Variants in INTS4 observed in about 807,000 individuals in gnomAD.
INTS4 encodes the protein integrator complex subunit 4, also known as MSTP093.
Under a neutral mutation model 119.5 loss-of-function variants are expected in INTS4, and 70 were observed. That is an observed-to-expected ratio of 0.59 (90% confidence interval 0.48 to 0.71). The LOEUF is 0.71. Among genes scored for constraint, INTS4 ranks in the 30% least tolerant of loss-of-function variants. INTS4 has a pLI of 0.00. For synonymous variants in INTS4, 316 were observed against 419.6 expected, an observed-to-expected ratio of 0.75 and a Z score of 3.02; for missense variants, 867 against 1,173.2, an observed-to-expected ratio of 0.74 and a Z score of 3.81.
chr11:77,878,213 T>G (rs924444925), downstream of INTS4, among the ~76,000 whole-genome samples: 6 of 151,784 alleles, frequency 4.0e-5, no homozygotes, highest in African/African-American at 1.2e-4. Context: ...ATACAAAAAA[T>G]TAGCAAGGCG....
chr11:77,942,731 T>G (rs1002184849), intron 8 of INTS4, among the ~76,000 whole-genome samples: 2 of 152,192 alleles, frequency 1.3e-5, no homozygotes, highest in Non-Finnish European at 2.9e-5. Context: ...TCAGAGGCTG[T>G]TGGAGCAGGT....
At chr11:77,909,440 T>A (rs1020903683) in intron 15 of INTS4, among the ~76,000 whole-genome samples, 2 of 152,244 alleles carry the variant, frequency 1.3e-5, no homozygotes, top group Non-Finnish European at 2.9e-5. Context: ...CATTTCCTCA[T>A]AGGTTGCACC....
intron 22 of INTS4, among the ~76,000 whole-genome samples, chr11:77,881,863 G>A (rs947841): frequency 0.2 from 30,849 of 151,732 alleles, 3,197 homozygotes; most frequent in Middle Eastern, 0.24. Flanking sequence ...AATAGTGACT[G>A]GGTAGCGACC....
At chr11:77,991,918 C>T (rs1489393909) in intron 1 of INTS4, among the ~76,000 whole-genome samples, 1 of 152,084 alleles carries the variant, frequency 6.6e-6, no homozygotes, top group Non-Finnish European at 1.5e-5. Context: ...CCTCCACCTA[C>T]TACGTTCAAG....
intron 16 of INTS4, among the ~76,000 whole-genome samples, chr11:77,907,171 A>G (rs1952976693): frequency 6.6e-6 from 1 of 152,080 alleles, no homozygotes; most frequent in Non-Finnish European, 1.5e-5. Flanking sequence ...TTGACCTCCT[A>G]GGCTCAAGCA....
rs4144307 is a variant in INTS4, at chr11:77,891,693, C to A, written c.2436G>T (p.Pro812=). 1 of 1,611,922 alleles carries A rather than the reference C, an allele frequency of 6.2e-7. No individual in the cohort carries two copies. The highest frequency in any genetic ancestry group is 2.2e-5 in the East Asian group (1 of 44,878). The change falls in exon 20 of 23, where the codon CCG becomes CCT. Residue 812 remains proline, a synonymous_variant. Transcript: ENST00000534064. ...AATAGACCCTGACCTGCTCTGGAAG[C>A]GGGAGATGCAGAAAGGCACTCTGTC... ...MLRQSAFLHL[P]LPEQIHKASA...
chr11:77,905,144 C>T (rs1042881042), intron 16 of INTS4, among the ~76,000 whole-genome samples: 4 of 151,962 alleles, frequency 2.6e-5, no homozygotes, highest in Non-Finnish European at 5.9e-5. Flanking sequence ...CAGCCAGTGG[C>T]CAGGAGAGAA....
At position 77,981,549 on chromosome 11, in the gene INTS4, T is replaced by C. The variant is rs548986036; in HGVS notation, c.274A>G (p.Ile92Val). The C allele has an allele frequency of 6.3e-6, 10 of 1,585,942 alleles. No individual in the cohort carries two copies. In the South Asian group the frequency reaches 1.2e-4, roughly 18 times the overall value. ...KENDPSVRLK[I>V]ASLLGLLSKT... ...GATAATAAACCCAACAATGATGCAA[T>C]TTTCAGTCTCACAGATGGATCATTC... Residue 92 changes from isoleucine (I) to valine (V), a missense_variant, in exon 3 of 23, where the codon ATT becomes GTT. Around this residue, in one of 5 missense-constraint regions of INTS4, gnomAD observed 224 missense variants for 231.8 expected, o/e 0.97. Transcript: ENST00000534064.
intron 4 of INTS4, among the ~76,000 whole-genome samples, chr11:77,974,269 G>A (rs1298745241): frequency 8.3e-6 from 1 of 120,386 alleles, no homozygotes; most frequent in East Asian, 2.6e-4. Context: ...TTGAGATGGA[G>A]TCTTGCTCTG....
At chr11:77,946,305 C>G (rs975066424) in intron 8 of INTS4, among the ~76,000 whole-genome samples, 1 of 152,206 alleles carries the variant, frequency 6.6e-6, no homozygotes, top group Non-Finnish European at 1.5e-5. Flanking sequence ...CCATACCCAA[C>G]TAATACCCTA....
rs552515694 is a variant in INTS4 at position 77,941,373 on chromosome 11, G to A, written c.919-122C>T. ...TAATATTATTCATGACAGTAAAGATGCTATGGGTTCTGAATCAGCAGGAAA... is the reference window on the plus strand; with the variant it reads ...TAATATTATTCATGACAGTAAAGATACTATGGGTTCTGAATCAGCAGGAAA... On this transcript the variant is annotated intron_variant, in intron 8 of 22. Transcript: ENST00000534064. 5 of 1,085,072 alleles carry A rather than the reference G, an allele frequency of 4.6e-6. No homozygotes were observed. In the African/African-American group the frequency reaches 6.5e-5, roughly 14 times the overall value. 67.2% of individuals were successfully genotyped at this position (1,085,072 alleles called of 1,614,324 possible).
intron 3 of INTS4, among the ~76,000 whole-genome samples, chr11:77,980,766 G>A (rs1478848186): frequency 6.6e-6 from 1 of 152,074 alleles, no homozygotes; most frequent in Admixed American, 6.6e-5. Flanking sequence ...TGAAGTGGGT[G>A]GATCACAAGG....
chr11:77,993,668 T>C (rs1419684452), intron 1 of INTS4, among the ~76,000 whole-genome samples: 1 of 152,194 alleles, frequency 6.6e-6, no homozygotes, highest in African/African-American at 2.4e-5. Flanking sequence ...ATTTTAATGC[T>C]GGATGAATGA....
chr11:77,989,106 A>G (rs11607512), intron 2 of INTS4, among the ~76,000 whole-genome samples: 33,561 of 150,514 alleles, frequency 0.22, 3,799 homozygotes, highest in African/African-American at 0.28. Context: ...TAGCAGTGAG[A>G]AAAAAAAAGA....
intron 4 of INTS4, among the ~76,000 whole-genome samples, chr11:77,976,606 G>A (rs1236728817): frequency 2.0e-5 from 3 of 152,170 alleles, no homozygotes; most frequent in Non-Finnish European, 2.9e-5. Flanking sequence ...AAATCATGAT[G>A]CTATAAAGAC....
rs1029731027 is a variant in INTS4, at chr11:77,879,225, G to A, written c.2714-98C>T. ...GAAATATCAAAATGGAAGCAGTAGG[G>A]AGAAATTTCTTCATCCGTCTACATT... On this transcript the variant is annotated intron_variant, in intron 22 of 22. Transcript: ENST00000534064. 2.3e-5 allele frequency: 31 copies of A among 1,338,108 alleles called. No homozygotes were observed. The African/African-American group carries it at 3.1e-4, about 13-fold the overall frequency. The allele number at this position is 1,338,108 out of a possible 1,614,324, so 82.9% of individuals were successfully genotyped here. A position where few individuals can be genotyped will look rare whatever the true frequency, so the allele number is the denominator to read the frequency against.
chr11:77,941,321 T>C, intron 8 of INTS4, 70 bp from the exon 9 acceptor site: 2 of 1,559,384 alleles, frequency 1.3e-6, no homozygotes, highest in Admixed American at 4.0e-5. Flanking sequence ...AAATTCAGAG[T>C]CTATAGACAA....
rs963165394 is a variant in INTS4, at chr11:77,891,830, C to T, written c.2299G>A (p.Ala767Thr). ...CTGTCCTGCAAGTGGGGCAAATCAGCGATGAAATACCTGGAGGAACAAACA... is the reference window on the plus strand; with the variant it reads ...CTGTCCTGCAAGTGGGGCAAATCAGTGATGAAATACCTGGAGGAACAAACA... Reference protein sequence around the residue: ...EVDFFQRYFIADLPHLQDSFV... With the variant: ...EVDFFQRYFITDLPHLQDSFV... The change falls in exon 20 of 23, where the codon GCT becomes ACT. Residue 767 changes from alanine to threonine, a missense_variant. Ala to Thr is a moderately conservative substitution (Grantham distance 58, BLOSUM62 0). This residue lies in a region of INTS4 where 262 missense variants were observed against 376.0 expected (regional missense o/e 0.70). Transcript: ENST00000534064. 1.2e-5 allele frequency: 19 copies of T among 1,611,002 alleles called. No individual in the cohort carries two copies. The highest frequency in any genetic ancestry group is 2.2e-5 in the East Asian group (1 of 44,888).
intron 2 of INTS4, chr11:77,986,892 T>C (rs1389784593): frequency 6.6e-6 from 1 of 152,028 alleles, no homozygotes; most frequent in Non-Finnish European, 1.5e-5. Context: ...AAGTAAATGA[T>C]GAGTTAATGG....
Sources: allele counts gnomAD v4.1 joint callset (sites outside exome capture counted in the v4.1 genomes callset), GRCh38; gene constraint gnomAD v4.1.1; regional missense constraint gnomAD v4.1.1; transcripts MANE v1.5; gene names NCBI Gene and HGNC (gene_info 2026-07-23, HGNC 2026-07-21).